ZFP28: variants seen among roughly 807,000 people sequenced by gnomAD.
ZFP28 encodes the protein ZFP28 zinc finger protein.
ZFP28 carries 31 observed loss-of-function variants against 39.5 expected under a neutral mutation model. The observed-to-expected ratio is 0.79, with a 90% CI of 0.59 to 1.06. The LOEUF is 1.06. Among genes scored for constraint, ZFP28 ranks in the 50% least tolerant of loss-of-function variants. The pLI, the probability that ZFP28 is intolerant of heterozygous loss-of-function variation, is 0.00. For missense variants in ZFP28, 925 were observed against 1,048.4 expected, an observed-to-expected ratio of 0.88 and a Z score of 1.63; for synonymous variants, 400 against 378.6, an observed-to-expected ratio of 1.06 and a Z score of -0.66.
At position 56,555,145 on chromosome 19, in the gene ZFP28, G is replaced by A; in HGVS notation, c.2360G>A (p.Cys787Tyr). 1 of 1,614,152 alleles carries A rather than the reference G, an allele frequency of 6.2e-7. No individual in the cohort carries two copies. The highest frequency in any genetic ancestry group is 8.5e-7 in the Non-Finnish European group (1 of 1,180,024). ...CATTCTGGAAAGAAACCATATGAAT[G>A]TAAGGAATGTAGGAAAACCTTCATC... Reference protein sequence around the residue: ...RIHSGKKPYECKECRKTFIQI... With the variant: ...RIHSGKKPYEYKECRKTFIQI... The change falls in exon 8 of 8, where the codon TGT becomes TAT. Residue 787 changes from cysteine (C) to tyrosine (Y), a missense_variant. Coordinates refer to ENST00000301318, the MANE Select transcript of ZFP28 (RefSeq NM_020828.2).
rs1418901277 is a variant in ZFP28, at chr19:56,539,032, C to T, written c.14C>T (p.Ala5Val). 2 of 1,437,632 alleles carry T rather than the reference C, an allele frequency of 1.4e-6. No homozygotes were observed. The highest frequency in any genetic ancestry group is 1.5e-5 in the African/African-American group (1 of 66,394). 89.1% of individuals were successfully genotyped at this position (1,437,632 alleles called of 1,614,324 possible). A position where few individuals can be genotyped will look rare whatever the true frequency, so the allele number is the denominator to read the frequency against. MRGA[A>V]SASVREPTPL... ...GCCTCGGGTGACATGCGGGGGGCGG[C>T]GAGCGCGAGTGTCCGCGAGCCGACG... is the stretch of plus-strand genomic sequence containing the variant. Residue 5 changes from alanine (A) to valine (V), a missense_variant, in exon 1 of 8, where the codon GCG (alanine) becomes GTG (valine). Ala to Val is a moderately conservative substitution (Grantham distance 64, BLOSUM62 0). Coordinates refer to ENST00000301318, the MANE Select transcript of ZFP28 (RefSeq NM_020828.2).
intron 2 of ZFP28, among the ~76,000 whole-genome samples, chr19:56,545,226 C>A (rs2044230908): frequency 2.0e-5 from 3 of 152,220 alleles, no homozygotes; most frequent in Admixed American, 1.3e-4. Flanking sequence ...GCTTAGGAGA[C>A]TTCTCCATGA....
chr19:56,537,755 A>G (rs2044147134), upstream of ZFP28: 1 of 152,282 alleles, frequency 6.6e-6, no homozygotes. Flanking sequence ...AAATCAATTC[A>G]AGAGTAAGGA....
chr19:56,541,607 CT>C (rs1273465893), intron 2 of ZFP28, among the ~76,000 whole-genome samples: 3 of 152,166 alleles, frequency 2.0e-5, no homozygotes, highest in African/African-American at 7.2e-5. Flanking sequence ...CTTGTTACCC[CT>C]GACATCTACA....
chr19:56,543,879 A>G (rs992900165), intron 2 of ZFP28, among the ~76,000 whole-genome samples: 3 of 152,208 alleles, frequency 2.0e-5, no homozygotes, highest in African/African-American at 4.8e-5. Flanking sequence ...TATTACTGCT[A>G]TTATCAAAGT....
In ZFP28 at chr19:56,539,147, C is replaced by A; in HGVS notation, c.129C>A (p.Ala43=). Residue 43 remains alanine, a synonymous_variant, in exon 1 of 8, where the codon GCC becomes GCA. Transcript: ENST00000301318. Reference sequence around the variant, plus strand: ...CTCCAGCCACCTTGGCCCTCCCTGCCCGGGGAAGGCCGCGCTCAAGGAATG... The same window carrying A: ...CTCCAGCCACCTTGGCCCTCCCTGCACGGGGAAGGCCGCGCTCAAGGAATG... ...VGTPATLALP[A]RGRPRSRNGL... 6.3e-7 allele frequency: 1 copy of A among 1,596,256 alleles called. No homozygotes were observed. Among genetic ancestry groups the A allele is most frequent in the Non-Finnish European group, 8.5e-7 (1 of 1,175,328 alleles).
chr19:56,539,123 T>A lies in ZFP28; in HGVS notation c.105T>A (p.Thr35=), dbSNP rs185660360. Residue 35 remains threonine, a synonymous_variant, in exon 1 of 8, where the codon ACT becomes ACA. Coordinates refer to ENST00000301318, the MANE Select transcript of ZFP28 (RefSeq NM_020828.2). ...PRAGRGPTVG[T]PATLALPARG... Reference sequence around the variant, plus strand: ...CGGGCCGAGGCCCGACTGTAGGGACTCCAGCCACCTTGGCCCTCCCTGCCC... The same window carrying A: ...CGGGCCGAGGCCCGACTGTAGGGACACCAGCCACCTTGGCCCTCCCTGCCC... 477 of 1,581,598 alleles carry A rather than the reference T, an allele frequency of 3.0e-4. 5 individuals carry two copies. The East Asian group carries it at 0.011, about 35-fold the overall frequency.
rs528759204 is a variant in ZFP28 at position 56,540,563 on chromosome 19, A to T, written c.300+847A>T. 2.0e-5 allele frequency among the ~76,000 whole-genome samples: 3 copies of T among 152,320 alleles called. No individual in the cohort carries two copies. The South Asian group carries it at 6.2e-4, about 32-fold the overall frequency. ...AGTGGGTTACTGTGATCTTCACATT[A>T]CCAGATGCAGTGCTCAATTCTTAGT... is the stretch of plus-strand genomic sequence containing the variant. On this transcript the variant is annotated intron_variant, in intron 2 of 7. Coordinates refer to ENST00000301318, the MANE Select transcript of ZFP28 (RefSeq NM_020828.2).
intron 2 of ZFP28, among the ~76,000 whole-genome samples, chr19:56,542,410 A>G (rs538663793): frequency 1.0e-3 from 155 of 152,310 alleles, no homozygotes; most frequent in African/African-American, 3.7e-3. Flanking sequence ...GCCTTGGGCT[A>G]CCAAATTGCT....
chr19:56,547,196 G>A lies in ZFP28; in HGVS notation c.301-312G>A, dbSNP rs2044249199. On this transcript the variant is annotated intron_variant, in intron 2 of 7. Transcript: ENST00000301318. This position sits in a 1 kb window ranked among gnomAD's most constrained non-coding sequence, Gnocchi z 4.6. ...GGTTTCACCTGAGGCCTCTCTCCTT[G>A]GCTTGCAGACGGCCGTCTTCTCTCT... 3.6e-6 allele frequency: 1 copy of A among 277,806 alleles called. No homozygotes were observed. The highest frequency in any genetic ancestry group is 2.2e-5 in the African/African-American group (1 of 44,904). 17.2% of individuals were successfully genotyped at this position (277,806 alleles called of 1,614,324 possible).
In ZFP28 at chr19:56,550,168, C is replaced by A; in HGVS notation, c.789C>A (p.Asp263Glu). 6.2e-7 allele frequency: 1 copy of A among 1,610,854 alleles called. No homozygotes were observed. The highest frequency in any genetic ancestry group is 8.5e-7 in the Non-Finnish European group (1 of 1,178,636). The part of the protein sequence containing the change: ...CKNGIWENNS[D>E]LGSAGHCVAK... ...ATGGGATATGGGAGAACAACAGTGA[C>A]CTGGGATCAGCAGGTAAGGATGTCC... is the stretch of plus-strand genomic sequence containing the variant. Residue 263 changes from aspartate (D) to glutamate (E), a missense_variant, in exon 6 of 8, where the codon GAC (aspartate) becomes GAA (glutamate). Transcript: ENST00000301318.
At position 56,547,673 on chromosome 19, in the gene ZFP28, C is replaced by A. The variant is rs1302278098; in HGVS notation, c.427+39C>A. On this transcript the variant is annotated intron_variant, in intron 3 of 7. Coordinates refer to ENST00000301318, the MANE Select transcript of ZFP28 (RefSeq NM_020828.2). This position sits in a 1 kb window ranked among gnomAD's most constrained non-coding sequence, Gnocchi z 4.6. ...CCCCTTTTCCCACCCCTCACCCTACCCACGTCCTGGACTAAGAAGCCTTTC... is the reference window on the plus strand; with the variant it reads ...CCCCTTTTCCCACCCCTCACCCTACACACGTCCTGGACTAAGAAGCCTTTC... 1 of 1,590,284 alleles carries A rather than the reference C, an allele frequency of 6.3e-7. No homozygotes were observed. Among genetic ancestry groups the A allele is most frequent in the Non-Finnish European group, 8.6e-7 (1 of 1,168,076 alleles).
intron 1 of ZFP28, 134 bp from the exon 2 acceptor site, chr19:56,539,491 A>G (rs956724357): frequency 5.1e-6 from 4 of 791,412 alleles, no homozygotes; most frequent in Admixed American, 5.6e-5. Context: ...AAAAAAACCT[A>G]TCTCCACGTT....
intron 2 of ZFP28, 110 bp downstream of exon 2, chr19:56,539,826 G>A: frequency 1.0e-6 from 1 of 978,650 alleles, no homozygotes; most frequent in Non-Finnish European, 1.5e-6. Context: ...TTGGGCGCGG[G>A]TTTCTATTTC....
Position 56,553,913 on chromosome 19 carries a change from T to C in ZFP28, c.1128T>C (p.Tyr376=). ...KTLSKERERT[Y]NKSGRWFYLD... is the part of the protein sequence containing the mutation. ...TCTCTAAGGAAAGAGAACGTACATATAACAAATCTGGAAGATGGTTCTATT... is the reference window on the plus strand; with the variant it reads ...TCTCTAAGGAAAGAGAACGTACATACAACAAATCTGGAAGATGGTTCTATT... Residue 376 remains tyrosine, a synonymous_variant, in exon 8 of 8, where the codon TAT becomes TAC. Coordinates refer to ENST00000301318, the MANE Select transcript of ZFP28 (RefSeq NM_020828.2). The C allele has an allele frequency of 2.5e-6, 4 of 1,614,146 alleles. No individual in the cohort carries two copies. Among genetic ancestry groups the C allele is most frequent in the Non-Finnish European group, 3.4e-6 (4 of 1,180,022 alleles).
chr19:56,547,380 A>G lies in ZFP28; in HGVS notation c.301-128A>G. ...CCTGTCTCTAAATACAGTCACATTCAAAAGTACTGGGGATTAGGAGTTTAA... is the reference window on the plus strand; with the variant it reads ...CCTGTCTCTAAATACAGTCACATTCGAAAGTACTGGGGATTAGGAGTTTAA... On this transcript the variant is annotated intron_variant, in intron 2 of 7. Coordinates refer to ENST00000301318, the MANE Select transcript of ZFP28 (RefSeq NM_020828.2). This position sits in a 1 kb window ranked among gnomAD's most constrained non-coding sequence, Gnocchi z 4.6. The G allele has an allele frequency of 2.2e-6, 3 of 1,378,202 alleles. No individual in the cohort carries two copies. The highest frequency in any genetic ancestry group is 3.0e-6 in the Non-Finnish European group (3 of 999,938). 85.4% of individuals were successfully genotyped at this position (1,378,202 alleles called of 1,614,324 possible). A position where few individuals can be genotyped will look rare whatever the true frequency, so the allele number is the denominator to read the frequency against.
Position 56,538,996 on chromosome 19 carries a change from G to A in ZFP28, c.-23G>A. The A allele has an allele frequency of 1.4e-6, 2 of 1,390,046 alleles. No individual in the cohort carries two copies. Among genetic ancestry groups the A allele is most frequent in the South Asian group, 3.2e-5 (2 of 61,818 alleles). The allele number at this position is 1,390,046 out of a possible 1,614,324, so 86.1% of individuals were successfully genotyped here. On this transcript the variant is annotated 5_prime_UTR_variant, in exon 1 of 8. Coordinates refer to ENST00000301318, the MANE Select transcript of ZFP28 (RefSeq NM_020828.2). ...GGGTCTGTGAGGGACCGGTCGGAAG[G>A]GCGTCGCGCGGCCTCGGGTGACATG...
chr19:56,555,390 T>C lies in ZFP28; in HGVS notation c.2605T>C (p.Ter869GlnextTer8), dbSNP rs1267917625. Reference protein sequence around the residue: ...LWNPSSLPSP* With the variant: ...LWNPSSLPSPQ ...GAATCCATCCTCCCTCCCATCACCA[T>C]AGCCTCGAGACGTCATTTCTGTTTG... Residue 869 changes from the stop codon to glutamine (Q), a stop_lost, in exon 8 of 8, where the codon TAG (stop) becomes CAG (glutamine). Coordinates refer to ENST00000301318, the MANE Select transcript of ZFP28 (RefSeq NM_020828.2). 1 of 1,603,738 alleles carries C rather than the reference T, an allele frequency of 6.2e-7. No individual in the cohort carries two copies. The highest frequency in any genetic ancestry group is 2.2e-5 in the East Asian group (1 of 44,792).
chr19:56,540,607 G>A (rs926738209), intron 2 of ZFP28, among the ~76,000 whole-genome samples: 33 of 152,298 alleles, frequency 2.2e-4, no homozygotes, highest in African/African-American at 7.7e-4. Flanking sequence ...ACTATCATTG[G>A]TATTTGAAAT....
Sources: gnomAD v4.1 joint callset for allele counts (sites outside exome capture counted in the v4.1 genomes callset) on GRCh38, gnomAD v4.1.1 for gene constraint, Gnocchi (gnomAD v3.1) non-coding constraint, MANE v1.5 for transcripts, NCBI Gene and HGNC (gene_info 2026-07-23, HGNC 2026-07-21) for gene names.